The following GPHN variants were observed in gnomAD, a reference collection of about 807,000 sequenced individuals.
The protein encoded by GPHN is gephyrin.
Under a neutral mutation model 95.5 loss-of-function variants are expected in GPHN, and 17 were observed. That is an observed-to-expected ratio of 0.18 (90% CI 0.12 to 0.27). The LOEUF (loss-of-function observed/expected upper bound fraction) is 0.27. Ranked by LOEUF, GPHN falls within the 10% of genes least tolerant of loss-of-function variation. GPHN has a pLI of 1.00. For synonymous variants in GPHN, 320 were observed against 322.5 expected (o/e 0.99, Z 0.08); for missense variants, 660 against 978.1 (o/e 0.67, Z 4.34).
chr14:66,859,920 TAC>T (rs1361974099), intron 4 of GPHN, among the ~76,000 whole-genome samples: 1 of 151,662 alleles, frequency 6.6e-6, no homozygotes, highest in African/African-American at 2.4e-5. Flanking sequence ...TAATTGAAAA[TAC>T]ACAGTTAGAG....
chr14:66,518,683 A>C (rs1353109798), intron 1 of GPHN, among the ~76,000 whole-genome samples: 2 of 152,172 alleles, frequency 1.3e-5, no homozygotes, highest in Non-Finnish European at 2.9e-5. Flanking sequence ...CATTCATGGC[A>C]ACATGGATGG....
At chr14:66,782,384 G>A (rs957892038) in intron 3 of GPHN, among the ~76,000 whole-genome samples, 1 of 152,074 alleles carries the variant, frequency 6.6e-6, no homozygotes, top group South Asian at 2.1e-4. Flanking sequence ...TGTATTGATT[G>A]CTCCAGATAA....
At chr14:66,635,578 C>G (rs1378548328) in intron 1 of GPHN, among the ~76,000 whole-genome samples, 2 of 152,138 alleles carry the variant, frequency 1.3e-5, no homozygotes, top group African/African-American at 4.8e-5. Context: ...TGATAATCCA[C>G]ACTACTGTCT....
At chr14:66,707,315 A>ATAT (rs2069170548) in intron 2 of GPHN, among the ~76,000 whole-genome samples, 1 of 152,368 alleles carries the variant, frequency 6.6e-6, no homozygotes, top group African/African-American at 2.4e-5. Context: ...ATTACTGGGT[A>ATAT]TATACCCAGA....
At chr14:66,870,140 G>A (rs2063376435) in intron 4 of GPHN, among the ~76,000 whole-genome samples, 1 of 152,132 alleles carries the variant, frequency 6.6e-6, no homozygotes, top group Non-Finnish European at 1.5e-5. Context: ...GGGTTCTAAT[G>A]TTTTATGTAA....
the GPHN span, among the ~76,000 whole-genome samples, chr14:67,661,712 G>A: frequency 6.8e-6 from 1 of 147,388 alleles, no homozygotes; most frequent in African/African-American, 2.5e-5. Flanking sequence ...TTTTTTGTTT[G>A]GTAGAGATGG....
chr14:66,691,122 A>G (rs1374058713), intron 2 of GPHN, among the ~76,000 whole-genome samples: 1 of 152,108 alleles, frequency 6.6e-6, no homozygotes, highest in Non-Finnish European at 1.5e-5. Context: ...TGGGAGGATC[A>G]GTTGAGCCCA....
At chr14:66,794,118 G>T (rs2060073420) in intron 3 of GPHN, among the ~76,000 whole-genome samples, 1 of 152,136 alleles carries the variant, frequency 6.6e-6, no homozygotes, top group South Asian at 2.1e-4. Context: ...GATATAGTCT[G>T]GATCTGTGTC....
chr14:67,182,944 C>T (rs1248257886), downstream of GPHN, among the ~76,000 whole-genome samples: 1 of 149,446 alleles, frequency 6.7e-6, no homozygotes, highest in Non-Finnish European at 1.5e-5. Context: ...CTCCTGGCCT[C>T]AAGTGATCCT....
chr14:66,528,673 C>T (rs1419667911), intron 1 of GPHN, among the ~76,000 whole-genome samples: 1 of 152,162 alleles, frequency 6.6e-6, no homozygotes, highest in Non-Finnish European at 1.5e-5. Flanking sequence ...GACAGAATCT[C>T]AGCATTTGCG....
At chr14:67,331,385 G>A in the GPHN span, among the ~76,000 whole-genome samples, 1 of 152,066 alleles carries the variant, frequency 6.6e-6, no homozygotes, top group African/African-American at 2.4e-5. Context: ...AATGATAGAA[G>A]TGCTGAAGTA....
chr14:67,556,126 G>A, the GPHN span, among the ~76,000 whole-genome samples: 5 of 152,234 alleles, frequency 3.3e-5, no homozygotes, highest in African/African-American at 1.2e-4. Context: ...TAAGTCTGAA[G>A]TCTCAGTGGT....
the GPHN span, chr14:67,574,301 G>T: frequency 6.2e-7 from 1 of 1,607,620 alleles, no homozygotes; most frequent in Non-Finnish European, 8.5e-7. The surrounding 1 kb of genome is among the most constrained non-coding windows in gnomAD (Gnocchi z 4.2). Context: ...TGCTGGAGGA[G>T]TGGATCCGAG....
At chr14:66,783,980 A>G (rs988338992) in intron 3 of GPHN, among the ~76,000 whole-genome samples, 3 of 152,180 alleles carry the variant, frequency 2.0e-5, no homozygotes, top group Admixed American at 6.5e-5. Flanking sequence ...TAAAAATATC[A>G]GTCATCATAC....
chr14:67,721,400 C>T, the GPHN span, among the ~76,000 whole-genome samples: 55 of 152,172 alleles, frequency 3.6e-4, no homozygotes, highest in Middle Eastern at 3.4e-3. Flanking sequence ...ATTACAGGCA[C>T]GCACCACCAC....
the GPHN span, among the ~76,000 whole-genome samples, chr14:67,604,320 G>A: frequency 6.6e-6 from 1 of 152,164 alleles, no homozygotes; most frequent in Non-Finnish European, 1.5e-5. Flanking sequence ...GATGAACAGA[G>A]GTTTTAATTT....
At chr14:66,928,363 A>C (rs942806359) in intron 8 of GPHN, among the ~76,000 whole-genome samples, 2 of 152,126 alleles carry the variant, frequency 1.3e-5, no homozygotes, top group Admixed American at 1.3e-4. Flanking sequence ...TTTGTGGTAT[A>C]ATCATGATGT....
chr14:67,300,414 A>G, the GPHN span, among the ~76,000 whole-genome samples: 4 of 148,820 alleles, frequency 2.7e-5, no homozygotes, highest in Admixed American at 6.8e-5. Flanking sequence ...TGCAACCTCT[A>G]CCTCCTGGGT....
At chr14:67,279,257 T>C in the GPHN span, 1 of 1,613,606 alleles carries the variant, frequency 6.2e-7, no homozygotes. Context: ...CAGAGGAACA[T>C]CAGAAGCACC....
Sources: gnomAD v4.1 joint callset for allele counts (sites outside exome capture counted in the v4.1 genomes callset) on GRCh38, gnomAD v4.1.1 for gene constraint, Gnocchi (gnomAD v3.1) non-coding constraint, MANE v1.5 for transcripts, NCBI Gene and HGNC (gene_info 2026-07-23, HGNC 2026-07-21) for gene names.